Variants in DGLUCY observed in about 807,000 individuals in gnomAD.
DGLUCY encodes the protein D-glutamate cyclase, mitochondrial.
In DGLUCY, 58 loss-of-function variants were observed where a neutral mutation model predicts 58.5. That is an observed-to-expected ratio of 0.99 (90% CI 0.80 to 1.23). The LOEUF is 1.23. Ranked by LOEUF, DGLUCY falls within the 50% of genes most tolerant of loss-of-function variation. DGLUCY has a pLI of 0.00. For synonymous variants in DGLUCY, 325 were observed against 314.1 expected (o/e 1.03, Z -0.37); for missense variants, 779 against 784.7 (o/e 0.99, Z 0.09).
intron 13 of DGLUCY, among the ~76,000 whole-genome samples, chr14:91,217,015 C>T (rs1395520349): frequency 1.3e-5 from 2 of 152,214 alleles, no homozygotes; most frequent in South Asian, 2.1e-4. Context: ...GCAAGCTCCG[C>T]CCCCAACACC....
chr14:91,131,614 TCTTC>T, intron 1 of DGLUCY, among the ~76,000 whole-genome samples: 1 of 151,842 alleles, frequency 6.6e-6, no homozygotes, highest in East Asian at 1.9e-4. Flanking sequence ...ATCCCTCCCC[TCTTC>T]CCCCACCCCA....
chr14:91,060,768 G>A (rs1473092351), intron 1 of DGLUCY: 3 of 213,686 alleles, frequency 1.4e-5, no homozygotes, highest in African/African-American at 6.9e-5. Flanking sequence ...TGCCAACGCC[G>A]GTTCCCATTG....
intron 1 of DGLUCY, among the ~76,000 whole-genome samples, chr14:91,124,088 C>T (rs763261830): frequency 7.2e-5 from 11 of 152,016 alleles, no homozygotes; most frequent in East Asian, 1.9e-4. Flanking sequence ...CCATCATGCC[C>T]GGCTAATTTT....
rs569174228 is a variant in DGLUCY at position 91,102,176 on chromosome 14, A to T, written c.-82+41472A>T. On this transcript the variant is annotated intron_variant, in intron 1 of 4. Transcript: ENST00000521334. ...ATGTATCAATAAATTAAAAACCATA[A>T]AAATATTAAATAAGTGAATATAGTT... Among the ~76,000 whole-genome samples the T allele has an allele frequency of 2.0e-5, 3 of 152,298 alleles. No individual in the cohort carries two copies. In the South Asian group the frequency reaches 6.2e-4, roughly 32 times the overall value.
chr14:91,146,603 G>A (rs1286174633), intron 1 of DGLUCY, among the ~76,000 whole-genome samples: 1 of 152,072 alleles, frequency 6.6e-6, no homozygotes, highest in East Asian at 1.9e-4. Flanking sequence ...AAGACGAGTG[G>A]GACATTTTTG....
At chr14:91,170,299 G>A in intron 5 of DGLUCY, 98 bp downstream of exon 5, 2 of 1,325,950 alleles carry the variant, frequency 1.5e-6, no homozygotes, top group African/African-American at 1.5e-5. Flanking sequence ...CACGGGAGGT[G>A]GAAAACCTAA....
At chr14:91,140,895 G>T (rs1341148170) in intron 1 of DGLUCY, among the ~76,000 whole-genome samples, 1 of 152,108 alleles carries the variant, frequency 6.6e-6, no homozygotes, top group Non-Finnish European at 1.5e-5. Flanking sequence ...CTCCTGGCTG[G>T]TCTATTGTTG....
At chr14:91,200,120 A>G (rs1333333436) in intron 11 of DGLUCY, among the ~76,000 whole-genome samples, 2 of 151,942 alleles carry the variant, frequency 1.3e-5, no homozygotes, top group Admixed American at 1.3e-4. Flanking sequence ...ACGCCTGGCT[A>G]ATTTTTGTAT....
At chr14:91,216,170 G>A (rs1045031488) in intron 13 of DGLUCY, 6 of 172,706 alleles carry the variant, frequency 3.5e-5, no homozygotes, top group Admixed American at 3.3e-4. Context: ...AGCTCTTGAG[G>A]TGGAGAGCAG....
chr14:91,068,079 G>GTGCACACACACA (rs1555387695), intron 1 of DGLUCY, among the ~76,000 whole-genome samples: 1 of 146,342 alleles, frequency 6.8e-6, no homozygotes, highest in Non-Finnish European at 1.5e-5. Context: ...ACACGCGCAC[G>GTGCACACACACA]CACACACACA....
chr14:91,101,357 CTT>C (rs897983382), intron 1 of DGLUCY, among the ~76,000 whole-genome samples: 4 of 152,134 alleles, frequency 2.6e-5, no homozygotes, highest in African/African-American at 9.7e-5. Flanking sequence ...AAATTTGACT[CTT>C]TTAGAAACCT....
chr14:91,078,154 G>A (rs997702031), intron 1 of DGLUCY, among the ~76,000 whole-genome samples: 2 of 152,026 alleles, frequency 1.3e-5, no homozygotes, highest in South Asian at 2.1e-4. Context: ...TCAGCCTCCC[G>A]AGTAGCTGGA....
intron 1 of DGLUCY, among the ~76,000 whole-genome samples, chr14:91,064,516 G>A (rs960793872): frequency 5.9e-5 from 9 of 151,440 alleles, no homozygotes; most frequent in Admixed American, 4.0e-4. Context: ...CAAGCTACTC[G>A]GGAGGCTGAG....
intron 1 of DGLUCY, among the ~76,000 whole-genome samples, chr14:91,135,703 T>C (rs2046293724): frequency 6.6e-6 from 1 of 151,472 alleles, no homozygotes; most frequent in Non-Finnish European, 1.5e-5. Context: ...TTGCTGTTTT[T>C]GTTTTTAACC....
At chr14:91,133,803 C>T (rs973287574) in intron 1 of DGLUCY, among the ~76,000 whole-genome samples, 1 of 152,152 alleles carries the variant, frequency 6.6e-6, no homozygotes, top group African/African-American at 2.4e-5. Context: ...ACCGATACTT[C>T]TTTTCTAATT....
intron 13 of DGLUCY, chr14:91,216,610 C>T (rs926643795): frequency 1.3e-5 from 2 of 150,646 alleles, no homozygotes; most frequent in African/African-American, 4.9e-5. Context: ...CTTCACTGCA[C>T]TCCAGCCTTG....
chr14:91,077,352 G>A (rs560403667), intron 1 of DGLUCY, among the ~76,000 whole-genome samples: 2 of 149,590 alleles, frequency 1.3e-5, no homozygotes, highest in Non-Finnish European at 3.0e-5. Flanking sequence ...AAAAGAAAGG[G>A]AGAAGGAAGG....
intron 1 of DGLUCY, among the ~76,000 whole-genome samples, chr14:91,149,175 C>A (rs12589843): frequency 0.59 from 88,076 of 149,386 alleles, 26,339 homozygotes; most frequent in East Asian, 0.92. Context: ...TGAACCCGTG[C>A]GGCGGAGGTT....
chr14:91,133,971 C>T (rs1297042387), intron 1 of DGLUCY, among the ~76,000 whole-genome samples: 1 of 152,070 alleles, frequency 6.6e-6, no homozygotes, highest in Non-Finnish European at 1.5e-5. Context: ...AGTCCTTTGC[C>T]CATTTAATTG....
Sources: allele counts gnomAD v4.1 joint callset (sites outside exome capture counted in the v4.1 genomes callset), GRCh38; gene constraint gnomAD v4.1.1; transcripts MANE v1.5; gene names NCBI Gene and HGNC (gene_info 2026-07-23, HGNC 2026-07-21).